C12orf75: variants seen among roughly 807,000 people sequenced by gnomAD.
C12orf75 encodes chromosome 12 open reading frame 75.
A neutral mutation model predicts 11.4 loss-of-function variants in C12orf75; 4 were observed. The ratio of observed to expected loss-of-function variants is 0.35; its 90% CI spans 0.17 to 0.80. The LOEUF is 0.80. C12orf75 is among the 30% of genes least tolerant of loss of function. C12orf75 has a pLI of 0.52. For synonymous variants in C12orf75, 30 were observed against 30.0 expected (o/e 1.00, Z 0.00); for missense variants, 89 against 80.4 (o/e 1.11, Z -0.41).
chr12:105,347,119 A>G (rs1892650445), intron 1 of C12orf75, among the ~76,000 whole-genome samples: 1 of 152,244 alleles, frequency 6.6e-6, no homozygotes, highest in African/African-American at 2.4e-5. Flanking sequence ...GTTGGAACCA[A>G]GTCCTGTGCC....
chr12:105,354,876 G>A (rs142791890), intron 2 of C12orf75, among the ~76,000 whole-genome samples: 190 of 152,282 alleles, frequency 1.2e-3, no homozygotes, highest in African/African-American at 4.3e-3. Context: ...AGGGAAACAC[G>A]AGGGGCTGAT....
chr12:105,362,829 C>G (rs981665098), intron 2 of C12orf75, among the ~76,000 whole-genome samples: 1 of 152,160 alleles, frequency 6.6e-6, no homozygotes, highest in Non-Finnish European at 1.5e-5. Flanking sequence ...TTCGGTCATG[C>G]TACTCAGTTT....
chr12:105,343,829 C>A (rs1217489958), intron 1 of C12orf75, among the ~76,000 whole-genome samples: 1 of 151,986 alleles, frequency 6.6e-6, no homozygotes, highest in Non-Finnish European at 1.5e-5. Flanking sequence ...TGCACATTTT[C>A]CTATTAAAAA....
Position 105,330,903 on chromosome 12 carries a change from G to C in C12orf75, c.12G>C (p.Gly4=). 1 of 1,246,044 alleles carries C rather than the reference G, an allele frequency of 8.0e-7. No individual in the cohort carries two copies. The highest frequency in any genetic ancestry group is 1.0e-6 in the Non-Finnish European group (1 of 997,292). The allele number at this position is 1,246,044 out of a possible 1,614,324, so 77.2% of individuals were successfully genotyped here. A position where few individuals can be genotyped will look rare whatever the true frequency, so the allele number is the denominator to read the frequency against. The change falls in exon 1 of 6, where the codon GGG becomes GGC. Residue 4 remains glycine, a synonymous_variant. Coordinates refer to ENST00000443585, the MANE Select transcript of C12orf75 (RefSeq NM_001145199.2). ...CGGCCGGCTGCGCGATGGGCTGCGG[G>C]AACTCCACCGCCACCAGCGCGGGCG... MGC[G]NSTATSAGAG...
intron 1 of C12orf75, among the ~76,000 whole-genome samples, chr12:105,339,392 A>ATTTT (rs10638339): frequency 0.21 from 28,014 of 136,264 alleles, 3,347 homozygotes; most frequent in Non-Finnish European, 0.27. Flanking sequence ...AATCTTCAGT[A>ATTTT]TTTTTTTTTT....
At chr12:105,345,252 G>A (rs940744796) in intron 1 of C12orf75, among the ~76,000 whole-genome samples, 4 of 152,148 alleles carry the variant, frequency 2.6e-5, no homozygotes, top group African/African-American at 9.7e-5. Context: ...ACTTTGGGAA[G>A]CTGAGGTGAT....
intron 2 of C12orf75, among the ~76,000 whole-genome samples, chr12:105,361,827 G>A (rs951742951): frequency 1.3e-5 from 2 of 152,190 alleles, no homozygotes; most frequent in African/African-American, 4.8e-5. Flanking sequence ...CTATCCTTCC[G>A]CAGGAAGAGT....
intron 2 of C12orf75, among the ~76,000 whole-genome samples, chr12:105,364,538 A>G (rs1871407832): frequency 6.6e-6 from 1 of 152,212 alleles, no homozygotes; most frequent in Non-Finnish European, 1.5e-5. Context: ...ATAAAGCAAA[A>G]ATCTCATGCA....
intron 1 of C12orf75, among the ~76,000 whole-genome samples, chr12:105,332,468 G>C (rs1892443079): frequency 6.6e-6 from 1 of 152,138 alleles, no homozygotes. Flanking sequence ...AGTGACTCAT[G>C]CCTGTGTAAT....
intron 2 of C12orf75, among the ~76,000 whole-genome samples, chr12:105,365,438 GCT>G (rs1348765849): frequency 3.9e-5 from 6 of 152,204 alleles, no homozygotes; most frequent in Non-Finnish European, 7.3e-5. Context: ...CAGGCTGGCA[GCT>G]CGCCCACAGC....
chr12:105,367,648 G>A, intron 5 of C12orf75, 139 bp downstream of exon 5: 1 of 308,138 alleles, frequency 3.2e-6, no homozygotes, highest in Non-Finnish European at 6.3e-6. Context: ...CTATGGAATT[G>A]AGTGTGTTTT....
At position 105,330,877 on chromosome 12, in the gene C12orf75, C is replaced by T; in HGVS notation, c.-15C>T. On this transcript the variant is annotated 5_prime_UTR_variant, in exon 1 of 6. Coordinates refer to ENST00000443585, the MANE Select transcript of C12orf75 (RefSeq NM_001145199.2). ...CCGAGAGCTCCGGAGCGCGGCTTCC[C>T]CGGCCGGCTGCGCGATGGGCTGCGG... 1 of 1,254,432 alleles carries T rather than the reference C, an allele frequency of 8.0e-7. No homozygotes were observed. Among genetic ancestry groups the T allele is most frequent in the Non-Finnish European group, 1.0e-6 (1 of 1,000,526 alleles). 77.7% of individuals were successfully genotyped at this position (1,254,432 alleles called of 1,614,324 possible). A position where few individuals can be genotyped will look rare whatever the true frequency, so the allele number is the denominator to read the frequency against.
intron 1 of C12orf75, among the ~76,000 whole-genome samples, chr12:105,336,430 T>A (rs962725414): frequency 6.6e-6 from 1 of 152,234 alleles, no homozygotes; most frequent in Admixed American, 6.5e-5. Context: ...TATTGTAGAT[T>A]CAGTGAGTTA....
In C12orf75 at chr12:105,367,199, C is replaced by T. The variant is rs138349357; in HGVS notation, c.188-273C>T. Among the ~76,000 whole-genome samples, 36 of 152,228 alleles carry T rather than the reference C, an allele frequency of 2.4e-4. 1 individual carries two copies. Among genetic ancestry groups the T allele is most frequent in the Middle Eastern group, 6.8e-3 (2 of 294 alleles). On this transcript the variant is annotated intron_variant, in intron 4 of 5. Coordinates refer to ENST00000443585, the MANE Select transcript of C12orf75 (RefSeq NM_001145199.2). ...CTTCTTGCTCAAGGCAATTTTTAAG[C>T]GAGGCTCATGGTAAACAATGCTGAT... is the stretch of plus-strand genomic sequence containing the variant.
chr12:105,357,424 A>T (rs1200531138), intron 2 of C12orf75, among the ~76,000 whole-genome samples: 2 of 152,142 alleles, frequency 1.3e-5, no homozygotes, highest in African/African-American at 4.8e-5. Flanking sequence ...GATAAGGTAC[A>T]TATCACTAAA....
chr12:105,370,099 A>G lies in C12orf75; in HGVS notation c.*34-535A>G, dbSNP rs192806455. ...AGAATCCCTTAAAATTACTTATGTC[A>G]GGATGCAGATGTGTAGTTTCTTCTG... On this transcript the variant is annotated intron_variant, in intron 5 of 5. Coordinates refer to ENST00000443585, the MANE Select transcript of C12orf75 (RefSeq NM_001145199.2). Among the ~76,000 whole-genome samples the G allele has an allele frequency of 3.1e-4, 47 of 152,348 alleles. No homozygotes were observed. In the East Asian group the frequency reaches 6.7e-3, roughly 22 times the overall value.
intron 5 of C12orf75, among the ~76,000 whole-genome samples, chr12:105,369,127 G>A (rs1319505872): frequency 6.6e-6 from 1 of 152,222 alleles, no homozygotes; most frequent in Non-Finnish European, 1.5e-5. Flanking sequence ...AGGAGACTGG[G>A]CAGCTCTGCT....
At chr12:105,336,854 A>G (rs1018848672) in intron 1 of C12orf75, among the ~76,000 whole-genome samples, 1 of 152,172 alleles carries the variant, frequency 6.6e-6, no homozygotes, top group African/African-American at 2.4e-5. Context: ...GATGATGAAT[A>G]AAGAGAGGTG....
chr12:105,331,240 T>TCGG (rs1566134010), intron 1 of C12orf75, among the ~76,000 whole-genome samples: 3 of 151,712 alleles, frequency 2.0e-5, no homozygotes, highest in Non-Finnish European at 2.9e-5. Flanking sequence ...AGGGCTCTCC[T>TCGG]GGGGGAGAGG....
Sources: allele counts gnomAD v4.1 joint callset (sites outside exome capture counted in the v4.1 genomes callset), GRCh38; gene constraint gnomAD v4.1.1; transcripts MANE v1.5; gene names NCBI Gene and HGNC (gene_info 2026-07-23, HGNC 2026-07-21).